GPBP1L1: variants seen among roughly 807,000 people sequenced by gnomAD.
The protein encoded by GPBP1L1 is GC-rich promoter binding protein 1 like 1.
GPBP1L1 carries 23 observed loss-of-function variants against 52.5 expected under a neutral mutation model. The ratio of observed to expected loss-of-function variants is 0.44; its 90% CI spans 0.32 to 0.62. The LOEUF is 0.62. GPBP1L1 is among the 20% of genes least tolerant of loss of function. GPBP1L1 has a pLI of 0.06. For synonymous variants in GPBP1L1, 243 were observed against 203.1 expected, an observed-to-expected ratio of 1.20 and a Z score of -1.67; for missense variants, 596 against 579.3, an observed-to-expected ratio of 1.03 and a Z score of -0.30.
At chr1:45,662,841 A>T (rs1469830361) in intron 2 of GPBP1L1, among the ~76,000 whole-genome samples, 1 of 152,086 alleles carries the variant, frequency 6.6e-6, no homozygotes, top group East Asian at 1.9e-4. Context: ...AATGGAGGTC[A>T]AGAGTTCAAG....
intron 7 of GPBP1L1, among the ~76,000 whole-genome samples, chr1:45,641,223 T>C (rs990768747): frequency 1.3e-5 from 2 of 152,140 alleles, no homozygotes; most frequent in African/African-American, 2.4e-5. Flanking sequence ...ACCCATCATT[T>C]AGATATGTTA....
At chr1:45,661,824 A>C (rs12024590) in intron 2 of GPBP1L1, among the ~76,000 whole-genome samples, 43,023 of 151,910 alleles carry the variant, frequency 0.28, 6,223 homozygotes, top group South Asian at 0.36. Flanking sequence ...CCAATCAGCT[A>C]TCTAAGGTAT....
intron 9 of GPBP1L1, 105 bp from the exon 10 acceptor site, chr1:45,633,752 T>C (rs533811210): frequency 1.7e-6 from 2 of 1,197,506 alleles, no homozygotes; most frequent in Admixed American, 2.5e-5. Flanking sequence ...TATTTATCAC[T>C]CTGTCTTAAA....
chr1:45,655,864 A>G (rs1432920937), intron 4 of GPBP1L1: 1 of 152,844 alleles, frequency 6.5e-6, no homozygotes, highest in African/African-American at 2.4e-5. Context: ...CTTACCCTTG[A>G]GCTTAAAGGA....
At chr1:45,654,338 G>A (rs943462233) in intron 6 of GPBP1L1, 1 of 445,300 alleles carries the variant, frequency 2.2e-6, no homozygotes, top group Non-Finnish European at 3.9e-6. Flanking sequence ...ACACAAAGAT[G>A]AAAAATTTGC....
intron 1 of GPBP1L1, among the ~76,000 whole-genome samples, chr1:45,685,833 G>A (rs1252200900): frequency 6.6e-6 from 1 of 152,152 alleles, no homozygotes; most frequent in Non-Finnish European, 1.5e-5. Context: ...AACATTTCAG[G>A]ATCGACCAGC....
upstream of GPBP1L1, chr1:45,686,843 A>G (rs1390211429): frequency 1.3e-5 from 2 of 152,580 alleles, no homozygotes; most frequent in Admixed American, 1.3e-4. Flanking sequence ...AGGCACGGAC[A>G]AGCCTAGTTT....
Position 45,633,663 on chromosome 1 carries a change from A to T in GPBP1L1, c.886-16T>A. 1.2e-6 allele frequency: 2 copies of T among 1,612,394 alleles called. No individual in the cohort carries two copies. Among genetic ancestry groups the T allele is most frequent in the Non-Finnish European group, 1.7e-6 (2 of 1,179,368 alleles). ...TGGAGGGACTCTGGGCAAATACCAC[A>T]AACAGGTTGCTCCTGACAGCAAAGA... On this transcript the variant is annotated splice_polypyrimidine_tract_variant and intron_variant, in intron 9 of 12. Coordinates refer to ENST00000355105, the MANE Select transcript of GPBP1L1 (RefSeq NM_021639.5).
intron 8 of GPBP1L1, 66 bp downstream of exon 8, chr1:45,640,144 A>C (rs1359381834): frequency 9.2e-6 from 12 of 1,301,036 alleles, no homozygotes; most frequent in Non-Finnish European, 1.3e-5. Context: ...CAAATTTATT[A>C]ATTTTTTCCT....
chr1:45,631,230 G>A (rs1266046525), intron 10 of GPBP1L1, among the ~76,000 whole-genome samples: 2 of 151,876 alleles, frequency 1.3e-5, no homozygotes, highest in Non-Finnish European at 2.9e-5. Context: ...GATTACCTTG[G>A]GTATGACATT....
At chr1:45,667,595 C>G (rs1199093778) in intron 2 of GPBP1L1, among the ~76,000 whole-genome samples, 1 of 152,192 alleles carries the variant, frequency 6.6e-6, no homozygotes, top group Non-Finnish European at 1.5e-5. Context: ...TCATTTTCTC[C>G]AGAGTCCAGT....
At chr1:45,670,556 AAGTTTTG>A (rs1645061855) in intron 2 of GPBP1L1, among the ~76,000 whole-genome samples, 1 of 78,700 alleles carries the variant, frequency 1.3e-5, no homozygotes, top group Non-Finnish European at 2.9e-5. Context: ...TCTTAGTTTT[AAGTTTTG>A]TCTTTCACAT....
At chr1:45,654,979 A>G in intron 5 of GPBP1L1, 150 bp from the exon 6 acceptor site, 1 of 1,003,228 alleles carries the variant, frequency 1.0e-6, no homozygotes, top group Non-Finnish European at 1.4e-6. Context: ...GTAATTTCTG[A>G]AATCAGTTCA....
intron 2 of GPBP1L1, among the ~76,000 whole-genome samples, chr1:45,679,955 G>C (rs537024799): frequency 2.0e-4 from 27 of 132,796 alleles, no homozygotes; most frequent in African/African-American, 7.3e-4. Context: ...CCAGCAGGGC[G>C]GGGGGTGGGG....
At chr1:45,676,122 T>C (rs191344402) in intron 2 of GPBP1L1, among the ~76,000 whole-genome samples, 6 of 152,316 alleles carry the variant, frequency 3.9e-5, no homozygotes, top group African/African-American at 1.4e-4. Flanking sequence ...TATTTCTAAT[T>C]CTTAACAGAA....
chr1:45,649,293 A>T (rs1415234214), intron 6 of GPBP1L1, among the ~76,000 whole-genome samples: 3 of 152,190 alleles, frequency 2.0e-5, no homozygotes, highest in Non-Finnish European at 4.4e-5. Context: ...ATTAACACTT[A>T]TACATACTAT....
intron 4 of GPBP1L1, chr1:45,655,616 T>C (rs1217264237): frequency 1.3e-5 from 3 of 227,980 alleles, no homozygotes; most frequent in South Asian, 8.7e-5. Flanking sequence ...TTCATAAATA[T>C]AAGCTCCAAA....
chr1:45,637,543 G>GTTTTTTTTTTTTTT (rs1553179402), intron 8 of GPBP1L1, among the ~76,000 whole-genome samples: 44 of 98,594 alleles, frequency 4.5e-4, no homozygotes, highest in South Asian at 7.6e-4. Flanking sequence ...CTTTATATTA[G>GTTTTTTTTTTTTTT]TTTTCCAATC....
intron 6 of GPBP1L1, among the ~76,000 whole-genome samples, chr1:45,649,432 T>G (rs1298569671): frequency 2.7e-5 from 4 of 150,654 alleles, no homozygotes; most frequent in Non-Finnish European, 5.9e-5. Context: ...AGTTGTCATA[T>G]CTCTAGTTCT....
Sources: allele counts gnomAD v4.1 joint callset (sites outside exome capture counted in the v4.1 genomes callset), GRCh38; gene constraint gnomAD v4.1.1; transcripts MANE v1.5; gene names NCBI Gene and HGNC (gene_info 2026-07-23, HGNC 2026-07-21).